RAB6A: variants seen among roughly 807,000 people sequenced by gnomAD.
RAB6A encodes the protein ras-related protein Rab-6A.
Under a neutral mutation model 32.3 loss-of-function variants are expected in RAB6A, and 8 were observed. The ratio of observed to expected loss-of-function variants is 0.25; its 90% CI spans 0.15 to 0.45. RAB6A has a LOEUF of 0.45. Ranked by LOEUF, RAB6A falls within the 20% of genes least tolerant of loss-of-function variation. The pLI is 1.00. For missense variants in RAB6A, 104 were observed against 249.4 expected (o/e 0.42, Z 3.93); for synonymous variants, 73 against 82.1 (o/e 0.89, Z 0.60).
At position 73,712,299 on chromosome 11, in the gene RAB6A, T is replaced by A. The variant is rs530501168; in HGVS notation, c.401+3952A>T. On this transcript the variant is annotated intron_variant, in intron 5 of 7. Transcript: ENST00000336083. ...TACATAGTTCATTTTCCCCAGTGATTTGAGGTACCACCTTCATACTTATTT... is the reference window on the plus strand; with the variant it reads ...TACATAGTTCATTTTCCCCAGTGATATGAGGTACCACCTTCATACTTATTT... Among the ~76,000 whole-genome samples, 25 of 152,288 alleles carry A rather than the reference T, an allele frequency of 1.6e-4. No individual in the cohort carries two copies. The South Asian group carries it at 5.0e-3, about 30-fold the overall frequency.
intron 5 of RAB6A, 26 bp downstream of exon 5, chr11:73,716,225 T>C: frequency 6.6e-7 from 1 of 1,511,614 alleles, no homozygotes; most frequent in Non-Finnish European, 9.2e-7. Context: ...AATCAAACAT[T>C]ACACACATAT....
chr11:73,690,255 TCTC>T (rs1255172516), intron 6 of RAB6A, among the ~76,000 whole-genome samples: 1 of 152,134 alleles, frequency 6.6e-6, no homozygotes, highest in Non-Finnish European at 1.5e-5. Flanking sequence ...TGATGATGCT[TCTC>T]CTTGGAATAC....
intron 1 of RAB6A, among the ~76,000 whole-genome samples, chr11:73,737,819 C>A (rs1946423206): frequency 6.6e-6 from 1 of 151,394 alleles, no homozygotes; most frequent in Admixed American, 6.6e-5. Context: ...ATGGTGAAAC[C>A]CCGTCTCTAC....
intron 6 of RAB6A, among the ~76,000 whole-genome samples, chr11:73,692,948 G>A (rs11235860): frequency 0.096 from 14,395 of 149,736 alleles, 811 homozygotes; most frequent in South Asian, 0.28. Flanking sequence ...GCTACAGAGC[G>A]AGACTGTCTC....
intron 1 of RAB6A, among the ~76,000 whole-genome samples, chr11:73,750,242 A>G (rs1479312370): frequency 1.3e-5 from 2 of 152,174 alleles, no homozygotes; most frequent in Non-Finnish European, 2.9e-5. Context: ...AGTACTTATT[A>G]ATTTTAAAAA....
chr11:73,723,946 T>C (rs1360618975), intron 2 of RAB6A, among the ~76,000 whole-genome samples: 1 of 152,200 alleles, frequency 6.6e-6, no homozygotes, highest in Non-Finnish European at 1.5e-5. Context: ...CATTTCAATA[T>C]ATAAGATTTT....
intron 6 of RAB6A, among the ~76,000 whole-genome samples, chr11:73,685,117 G>C (rs1945422298): frequency 6.6e-6 from 1 of 152,170 alleles, no homozygotes; most frequent in African/African-American, 2.4e-5. Flanking sequence ...CCTGGGCTTG[G>C]GCCCTAGGTA....
At chr11:73,736,804 A>G (rs1232539999) in intron 1 of RAB6A, among the ~76,000 whole-genome samples, 7 of 70,030 alleles carry the variant, frequency 1.0e-4, no homozygotes, top group African/African-American at 1.6e-4. Flanking sequence ...GAAAGAAAAA[A>G]AAAAGAAAAA....
intron 7 of RAB6A, among the ~76,000 whole-genome samples, chr11:73,678,371 C>T (rs895011630): frequency 1.3e-5 from 2 of 152,156 alleles, no homozygotes; most frequent in African/African-American, 2.4e-5. Flanking sequence ...AATCCCAACA[C>T]TTTGGGAGGT....
At chr11:73,739,282 A>AC (rs1289309364) in intron 1 of RAB6A, among the ~76,000 whole-genome samples, 3 of 15,332 alleles carry the variant, frequency 2.0e-4, no homozygotes, top group African/African-American at 4.2e-4. Context: ...AAAAAAAAAA[A>AC]AAATATATAT....
intron 1 of RAB6A, among the ~76,000 whole-genome samples, chr11:73,743,320 A>AG (rs1491234637): frequency 9.9e-5 from 15 of 151,714 alleles, no homozygotes; most frequent in African/African-American, 3.4e-4. Flanking sequence ...AAAAAAAAAA[A>AG]AGAGAAAAAA....
chr11:73,677,039 T>A lies in RAB6A; in HGVS notation c.*859A>T, dbSNP rs533882584. The A allele has an allele frequency of 3.3e-4, 55 of 166,970 alleles. No homozygotes were observed. Among genetic ancestry groups the A allele is most frequent in the African/African-American group, 1.3e-3 (55 of 41,584 alleles). 10.3% of individuals were successfully genotyped at this position (166,970 alleles called of 1,614,324 possible). A position where few individuals can be genotyped will look rare whatever the true frequency, so the allele number is the denominator to read the frequency against. ...ATAACTCTTGACAATTTTAAAACCT[T>A]GGGAGAAACAGTTCATTAGAACTTC... On this transcript the variant is annotated 3_prime_UTR_variant, in exon 8 of 8. Coordinates refer to ENST00000336083, the MANE Select transcript of RAB6A (RefSeq NM_198896.2).
intron 3 of RAB6A, among the ~76,000 whole-genome samples, chr11:73,720,026 T>C (rs953032168): frequency 1.3e-5 from 2 of 151,864 alleles, no homozygotes; most frequent in Admixed American, 6.6e-5. Flanking sequence ...TGTTTTTGGG[T>C]GCAGGTCTCA....
intron 5 of RAB6A, 80 bp downstream of exon 5, chr11:73,716,171 A>G (rs971379760): frequency 7.0e-6 from 8 of 1,136,568 alleles, no homozygotes; most frequent in African/African-American, 1.5e-5. Context: ...GTCTCCTTTC[A>G]AAACAATTTC....
rs550207678 is a variant in RAB6A at position 73,700,620 on chromosome 11, G to A, written c.495+6800C>T. ...AAAAAGTGTGTGTGTGGGGGGGGGG[G>A]GGGGAGGAGGGTAGTGGATGAGAAA... On this transcript the variant is annotated intron_variant, in intron 6 of 7. Transcript: ENST00000336083. 1.7e-4 allele frequency among the ~76,000 whole-genome samples: 22 copies of A among 126,870 alleles called. 2 individuals are homozygous for A. Among genetic ancestry groups the A allele is most frequent in the Non-Finnish European group, 2.7e-4 (16 of 60,340 alleles). The allele number at this position is 126,870 out of a possible 152,430, so 83.2% of individuals were successfully genotyped here.
chr11:73,727,854 C>G (rs1481057005), intron 2 of RAB6A, among the ~76,000 whole-genome samples: 1 of 152,058 alleles, frequency 6.6e-6, no homozygotes. Context: ...ATTACAAAGA[C>G]AAAGCAATTG....
intron 1 of RAB6A, among the ~76,000 whole-genome samples, chr11:73,757,113 ATATATATATATATATATTT>A: frequency 5.3e-5 from 2 of 37,946 alleles, no homozygotes; most frequent in African/African-American, 1.3e-4. Flanking sequence ...ATATATATAT[ATATATATATATATATATTT>A]TTTTTTTTTT....
intron 2 of RAB6A, among the ~76,000 whole-genome samples, chr11:73,725,319 A>T (rs1225141469): frequency 2.0e-5 from 3 of 152,218 alleles, no homozygotes; most frequent in African/African-American, 7.2e-5. Context: ...TAGCAACATT[A>T]ATGTATTCAA....
intron 3 of RAB6A, 157 bp from the exon 4 acceptor site, chr11:73,718,875 A>G: frequency 6.2e-7 from 1 of 1,613,876 alleles, no homozygotes; most frequent in Non-Finnish European, 8.5e-7. Flanking sequence ...GCAGTATCCC[A>G]CAGCTGAAGC....
Sources: gnomAD v4.1 joint callset for allele counts (sites outside exome capture counted in the v4.1 genomes callset) on GRCh38, gnomAD v4.1.1 for gene constraint, MANE v1.5 for transcripts, NCBI Gene and HGNC (gene_info 2026-07-23, HGNC 2026-07-21) for gene names.